Variants in C12orf56 observed in about 807,000 individuals in gnomAD.
C12orf56 encodes the protein chromosome 12 open reading frame 56.
Under a neutral mutation model 69.9 loss-of-function variants are expected in C12orf56, and 71 were observed. The ratio of observed to expected loss-of-function variants is 1.02; its 90% CI spans 0.84 to 1.24. The LOEUF (loss-of-function observed/expected upper bound fraction) is 1.24, where lower values mean the gene tolerates loss of function less well. C12orf56 is among the 50% of genes most tolerant of loss of function. The pLI is 0.00. For synonymous variants in C12orf56, 276 were observed against 274.1 expected (o/e 1.01, Z -0.07); for missense variants, 732 against 738.5 (o/e 0.99, Z 0.10).
At chr12:64,282,083 C>T (rs1334247735) in intron 8 of C12orf56, among the ~76,000 whole-genome samples, 1 of 152,202 alleles carries the variant, frequency 6.6e-6, no homozygotes, top group Admixed American at 6.5e-5. Flanking sequence ...AAGCTGGGCG[C>T]AGTGGTTCAT....
intron 3 of C12orf56, among the ~76,000 whole-genome samples, chr12:64,326,289 C>T (rs1363801992): frequency 6.6e-6 from 1 of 152,166 alleles, no homozygotes; most frequent in Non-Finnish European, 1.5e-5. Context: ...CATACATGCA[C>T]AGTTTATTGT....
At chr12:64,362,379 G>C (rs1453475535) in intron 1 of C12orf56, among the ~76,000 whole-genome samples, 1 of 152,142 alleles carries the variant, frequency 6.6e-6, no homozygotes, top group Non-Finnish European at 1.5e-5. Flanking sequence ...ACACTGCAAA[G>C]TGAAAGCAAC....
At chr12:64,379,245 A>G (rs1024240815) in intron 1 of C12orf56, among the ~76,000 whole-genome samples, 1 of 151,924 alleles carries the variant, frequency 6.6e-6, no homozygotes, top group African/African-American at 2.4e-5. Context: ...AATTGACAAG[A>G]TGCCTGCCTT....
At chr12:64,309,192 T>C (rs1022249848) in intron 5 of C12orf56, among the ~76,000 whole-genome samples, 1 of 152,216 alleles carries the variant, frequency 6.6e-6, no homozygotes, top group Non-Finnish European at 1.5e-5. Context: ...GGCATTAAGT[T>C]AATTCACAAT....
chr12:64,309,807 G>A (rs896987666), intron 5 of C12orf56, among the ~76,000 whole-genome samples: 5 of 151,918 alleles, frequency 3.3e-5, no homozygotes, highest in South Asian at 2.1e-4. Flanking sequence ...CACTGCACCC[G>A]GCTTATCATA....
chr12:64,350,726 T>C (rs1224062114), intron 2 of C12orf56, among the ~76,000 whole-genome samples: 1 of 152,234 alleles, frequency 6.6e-6, no homozygotes, highest in Non-Finnish European at 1.5e-5. Flanking sequence ...GGCTCAGTTT[T>C]AGGAAGTCTT....
At chr12:64,358,590 T>C (rs917825524) in intron 1 of C12orf56, among the ~76,000 whole-genome samples, 77 of 151,344 alleles carry the variant, frequency 5.1e-4, no homozygotes, top group African/African-American at 1.8e-3. Context: ...GGTCAGGAGT[T>C]CGAGACCAGC....
chr12:64,303,975 A>G (rs2038480581), intron 5 of C12orf56, among the ~76,000 whole-genome samples, 196 bp from the exon 6 acceptor site: 1 of 152,192 alleles, frequency 6.6e-6, no homozygotes, highest in African/African-American at 2.4e-5. Context: ...CGCTCCAAAC[A>G]TACTTTTTTG....
intron 11 of C12orf56, among the ~76,000 whole-genome samples, chr12:64,272,961 A>G (rs2136745695): frequency 6.6e-6 from 1 of 152,302 alleles, no homozygotes; most frequent in Middle Eastern, 3.4e-3. Context: ...CTAGAGAAAC[A>G]GCAGGGGACC....
At chr12:64,350,555 GC>G (rs753989828) in intron 2 of C12orf56, among the ~76,000 whole-genome samples, 21 of 152,214 alleles carry the variant, frequency 1.4e-4, no homozygotes, top group Non-Finnish European at 2.6e-4. Flanking sequence ...GGGAAAACTG[GC>G]CTGATACATT....
At chr12:64,386,722 G>A (rs1470963362) in intron 1 of C12orf56, among the ~76,000 whole-genome samples, 1 of 151,834 alleles carries the variant, frequency 6.6e-6, no homozygotes, top group African/African-American at 2.4e-5. Context: ...GTAGAGATGG[G>A]TCTTCACCAC....
chr12:64,360,560 T>C (rs1002955505), intron 1 of C12orf56, among the ~76,000 whole-genome samples: 2 of 152,244 alleles, frequency 1.3e-5, no homozygotes, highest in African/African-American at 4.8e-5. Flanking sequence ...GTAATGATCC[T>C]ATAAAATAAT....
At chr12:64,308,967 G>GAAAGAAAGA (rs1565749107) in intron 5 of C12orf56, among the ~76,000 whole-genome samples, 1 of 117,296 alleles carries the variant, frequency 8.5e-6, no homozygotes, top group African/African-American at 3.2e-5. Context: ...AAGAAAGAAA[G>GAAAGAAAGA]AAAGAAAAGA....
intron 1 of C12orf56, among the ~76,000 whole-genome samples, chr12:64,364,152 A>C (rs1232239963): frequency 2.0e-5 from 3 of 152,080 alleles, no homozygotes; most frequent in African/African-American, 7.2e-5. Flanking sequence ...GTGTCTACTA[A>C]AAATACAAAA....
chr12:64,376,377 G>A (rs1427604896), intron 1 of C12orf56, among the ~76,000 whole-genome samples: 2 of 152,166 alleles, frequency 1.3e-5, no homozygotes, highest in South Asian at 2.1e-4. Flanking sequence ...CTTATTTCTT[G>A]TTGGCAAAAA....
At chr12:64,346,642 G>A (rs1019002196) in intron 2 of C12orf56, among the ~76,000 whole-genome samples, 1 of 152,184 alleles carries the variant, frequency 6.6e-6, no homozygotes, top group Non-Finnish European at 1.5e-5. Flanking sequence ...GGTTAGAGAT[G>A]TGGGTGGCAG....
chr12:64,365,848 T>TTATGTATAATATATAGTGTATATATTA (rs1289108833), intron 1 of C12orf56, among the ~76,000 whole-genome samples: 1 of 138,346 alleles, frequency 7.2e-6, no homozygotes, highest in African/African-American at 2.7e-5. Context: ...AGTGTATATA[T>TTATGTATAATATATAGTGTATATATTA]TGTATTATAT....
In C12orf56 at chr12:64,390,484, C is replaced by T; in HGVS notation, c.82G>A (p.Glu28Lys). The T allele has an allele frequency of 1.9e-6, 3 of 1,604,026 alleles. No homozygotes were observed. Among genetic ancestry groups the T allele is most frequent in the Non-Finnish European group, 2.5e-6 (3 of 1,179,590 alleles). The change falls in exon 1 of 13, where the codon GAG becomes AAG. Residue 28 changes from glutamate (E) to lysine (K), a missense_variant. Glu to Lys is a moderately conservative substitution (Grantham distance 56). Coordinates refer to ENST00000543942, the MANE Select transcript of C12orf56 (RefSeq NM_001170633.2). ...TAGGCGCGGACCGCGTCGTAGACCT[C>T]GGGCGGCAGATGCCGCCGCAGGAAC... ...DVFLRRHLPP[E>K]VYDAVRAYEP...
intron 5 of C12orf56, among the ~76,000 whole-genome samples, chr12:64,308,220 G>C (rs1263380879): frequency 1.3e-5 from 2 of 152,096 alleles, no homozygotes; most frequent in African/African-American, 4.8e-5. Flanking sequence ...TACTCAGCAG[G>C]CTGAGGCATG....
Sources: gnomAD v4.1 joint callset for allele counts (sites outside exome capture counted in the v4.1 genomes callset) on GRCh38, gnomAD v4.1.1 for gene constraint, MANE v1.5 for transcripts, NCBI Gene and HGNC (gene_info 2026-07-23, HGNC 2026-07-21) for gene names.